UNC5B: variants seen among roughly 807,000 people sequenced by gnomAD.
The protein encoded by UNC5B is netrin receptor UNC5B.
A neutral mutation model predicts 103.7 loss-of-function variants in UNC5B; 56 were observed. The ratio of observed to expected loss-of-function variants is 0.54; its 90% confidence interval spans 0.44 to 0.67. The LOEUF (loss-of-function observed/expected upper bound fraction) is 0.67. UNC5B is among the 30% of genes least tolerant of loss of function. The probability of loss-of-function intolerance (pLI) is 0.00; values close to 1 mark genes in which losing one functional copy is unlikely to be tolerated. For missense variants in UNC5B, 1,194 were observed against 1,284.5 expected (o/e 0.93, Z 1.08); for synonymous variants, 577 against 542.0 (o/e 1.06, Z -0.90).
rs202076199 is a variant in UNC5B, at chr10:71,291,677, G to A, written c.1540G>A (p.Asp514Asn). 6.7e-5 allele frequency: 108 copies of A among 1,613,608 alleles called. No individual in the cohort carries two copies. In the African/African-American group the frequency reaches 9.5e-4, roughly 14 times the overall value. ...CTTGCCGCCTGGCACATACCCTAGCGATTTCGCCCGGGACACCCACTTCCT... is the reference window on the plus strand; with the variant it reads ...CTTGCCGCCTGGCACATACCCTAGCAATTTCGCCCGGGACACCCACTTCCT... ...GVLPPGTYPS[D>N]FARDTHFLHL... Residue 514 changes from aspartate to asparagine, a missense_variant, in exon 10 of 17, where the codon GAT (aspartate) becomes AAT (asparagine). Transcript: ENST00000335350.
intron 6 of UNC5B, among the ~76,000 whole-genome samples, chr10:71,288,254 C>T (rs966460772): frequency 3.3e-5 from 5 of 152,214 alleles, no homozygotes; most frequent in South Asian, 2.1e-4. Context: ...TTTGTGCCTA[C>T]GCTGTTTTTC....
At chr10:71,291,299 G>T (rs552286509) in intron 9 of UNC5B, 133 bp from the exon 10 acceptor site, 2 of 1,427,616 alleles carry the variant, frequency 1.4e-6, no homozygotes, top group East Asian at 2.3e-5. Flanking sequence ...CAGGCTGCGG[G>T]ATTCCCAAAG....
chr10:71,291,335 C>T (rs1454265039), intron 9 of UNC5B, 97 bp from the exon 10 acceptor site: 5 of 1,506,834 alleles, frequency 3.3e-6, no homozygotes, highest in Non-Finnish European at 3.6e-6. Context: ...AGCAATTGGG[C>T]CTTTCACAGC....
intron 1 of UNC5B, among the ~76,000 whole-genome samples, chr10:71,273,503 C>A (rs2132292920): frequency 6.6e-6 from 1 of 152,370 alleles, no homozygotes; most frequent in South Asian, 2.1e-4. Flanking sequence ...TCTGAGAAGA[C>A]CCTCTGAGAG....
chr10:71,239,172 G>T (rs1243887357), intron 1 of UNC5B, among the ~76,000 whole-genome samples: 4 of 152,146 alleles, frequency 2.6e-5, no homozygotes, highest in Non-Finnish European at 5.9e-5. Flanking sequence ...CCCTCAATGT[G>T]CCAGAAAACC....
At chr10:71,246,379 A>G (rs1275680478) in intron 1 of UNC5B, among the ~76,000 whole-genome samples, 1 of 151,970 alleles carries the variant, frequency 6.6e-6, no homozygotes, top group Non-Finnish European at 1.5e-5. Flanking sequence ...GGCAGGTGAG[A>G]TCACAGTGGG....
chr10:71,251,079 T>C (rs954670007), intron 1 of UNC5B, among the ~76,000 whole-genome samples: 2 of 152,166 alleles, frequency 1.3e-5, no homozygotes, highest in Non-Finnish European at 2.9e-5. Flanking sequence ...ATGGTAGTAG[T>C]TGTACCAAGG....
intron 15 of UNC5B, among the ~76,000 whole-genome samples, chr10:71,296,959 C>A: frequency 7.1e-6 from 1 of 140,842 alleles, no homozygotes; most frequent in African/African-American, 2.6e-5. Flanking sequence ...GAAGGGCGGC[C>A]AGATATTCCG....
At chr10:71,297,819 G>C (rs1845480564) in intron 15 of UNC5B, 90 bp from the exon 16 acceptor site, 1 of 1,391,054 alleles carries the variant, frequency 7.2e-7, no homozygotes, top group Admixed American at 2.1e-5. Context: ...GTGACTCAAG[G>C]CTCAATGAGC....
chr10:71,287,367 C>T (rs1036288041), intron 5 of UNC5B, among the ~76,000 whole-genome samples: 8 of 152,178 alleles, frequency 5.3e-5, no homozygotes, highest in East Asian at 1.9e-4. Flanking sequence ...CCTTCTTTGC[C>T]GTCTTACAAT....
At chr10:71,227,599 C>CATACATATATACATATAT (rs1359911797) in intron 1 of UNC5B, among the ~76,000 whole-genome samples, 7 of 142,328 alleles carry the variant, frequency 4.9e-5, no homozygotes, top group Non-Finnish European at 1.1e-4. Context: ...ATTTTGTATA[C>CATACATATATACATATAT]ATACATATAT....
At chr10:71,232,097 C>A (rs59283296) in intron 1 of UNC5B, among the ~76,000 whole-genome samples, 157 of 152,300 alleles carry the variant, frequency 1.0e-3, no homozygotes, top group African/African-American at 3.8e-3. Flanking sequence ...GAAAGGGATA[C>A]CCTTTTTGAC....
chr10:71,220,400 G>C (rs577131070), intron 1 of UNC5B, among the ~76,000 whole-genome samples: 4 of 152,284 alleles, frequency 2.6e-5, no homozygotes, highest in Admixed American at 2.6e-4. Flanking sequence ...CATTTGGCAG[G>C]GGTAGGGGTG....
intron 1 of UNC5B, among the ~76,000 whole-genome samples, chr10:71,238,040 G>A (rs973794214): frequency 6.6e-6 from 1 of 152,174 alleles, no homozygotes; most frequent in Non-Finnish European, 1.5e-5. Context: ...CATTAACTTC[G>A]CCACAAATAG....
chr10:71,292,035 C>G lies in UNC5B; in HGVS notation c.1684+214C>G, dbSNP rs888836446. On this transcript the variant is annotated intron_variant, in intron 10 of 16. Transcript: ENST00000335350. ...CTATGCCCTCACTAGGGCAGAGGAA[C>G]CTTGGGCCAGCCATCTTCTAAGCTT... Among the ~76,000 whole-genome samples, 3 of 152,186 alleles carry G rather than the reference C, an allele frequency of 2.0e-5. No individual in the cohort carries two copies. The South Asian group carries it at 6.2e-4, about 32-fold the overall frequency.
At chr10:71,286,659 C>T in intron 4 of UNC5B, 30 bp from the exon 5 acceptor site, 1 of 1,612,650 alleles carries the variant, frequency 6.2e-7, no homozygotes, top group East Asian at 2.2e-5. Flanking sequence ...GTCCTGGGCC[C>T]TCACTGCCCC....
At chr10:71,295,042 T>A (rs536340883) in intron 13 of UNC5B, among the ~76,000 whole-genome samples, 1 of 152,234 alleles carries the variant, frequency 6.6e-6, no homozygotes, top group South Asian at 2.1e-4. Flanking sequence ...CTGTTCCTGC[T>A]CCCTGGCCCC....
At chr10:71,249,699 G>A (rs1211519276) in intron 1 of UNC5B, among the ~76,000 whole-genome samples, 1 of 152,222 alleles carries the variant, frequency 6.6e-6, no homozygotes, top group Non-Finnish European at 1.5e-5. Flanking sequence ...GCAGGTAGAA[G>A]GCAGGTAATG....
chr10:71,242,246 GC>G (rs1440457842), intron 1 of UNC5B, among the ~76,000 whole-genome samples: 4 of 152,246 alleles, frequency 2.6e-5, no homozygotes, highest in African/African-American at 9.6e-5. Flanking sequence ...ATGTGACCTC[GC>G]CCCACCTCCC....
Sources: gnomAD v4.1 joint callset for allele counts (sites outside exome capture counted in the v4.1 genomes callset) on GRCh38, gnomAD v4.1.1 for gene constraint, MANE v1.5 for transcripts, NCBI Gene and HGNC (gene_info 2026-07-23, HGNC 2026-07-21) for gene names.